FGF12: variants seen among roughly 807,000 people sequenced by gnomAD.
FGF12 encodes the protein fibroblast growth factor 12, also known as fibroblast growth factor 12B.
A neutral mutation model predicts 23.6 loss-of-function variants in FGF12; 14 were observed. That is an observed-to-expected ratio of 0.59 (90% CI 0.39 to 0.93). The LOEUF (loss-of-function observed/expected upper bound fraction) is 0.93, where lower values mean the gene tolerates loss of function less well. Among genes scored for constraint, FGF12 ranks in the 40% least tolerant of loss-of-function variants. The pLI is 0.00. For missense variants in FGF12, 175 were observed against 217.8 expected (o/e 0.80, Z 1.24); for synonymous variants, 62 against 77.3 (o/e 0.80, Z 1.04).
chr3:192,645,369 A>T (rs2108669854), intron 2 of FGF12, among the ~76,000 whole-genome samples: 1 of 152,326 alleles, frequency 6.6e-6, no homozygotes, highest in African/African-American at 2.4e-5. Context: ...TGTTTAGGAC[A>T]CTTAATCAAC....
chr3:192,150,281 T>C (rs1450810114), intron 5 of FGF12, among the ~76,000 whole-genome samples: 6 of 87,410 alleles, frequency 6.9e-5, no homozygotes, highest in Non-Finnish European at 1.2e-4. Flanking sequence ...TTCACTCTGA[T>C]GGTAGTTTCT....
intron 4 of FGF12, among the ~76,000 whole-genome samples, chr3:192,190,710 C>T (rs145819240): frequency 0.015 from 2,205 of 152,014 alleles, 49 homozygotes; most frequent in African/African-American, 0.051. Flanking sequence ...CTCCTGACCT[C>T]GTGATCCGCC....
chr3:192,513,222 T>C (rs1724548120), intron 2 of FGF12, among the ~76,000 whole-genome samples: 1 of 152,160 alleles, frequency 6.6e-6, no homozygotes, highest in African/African-American at 2.4e-5. Flanking sequence ...TCTACTGGCT[T>C]CTTGAAATAT....
chr3:192,218,405 T>A (rs1462545630), intron 4 of FGF12, among the ~76,000 whole-genome samples: 2 of 152,158 alleles, frequency 1.3e-5, no homozygotes, highest in Non-Finnish European at 2.9e-5. Context: ...AGGTGATGGA[T>A]CATGCGGGTG....
At position 192,378,278 on chromosome 3, in the gene FGF12, T is replaced by G. The variant is rs1192889030; in HGVS notation, c.14-17740A>C. Among the ~76,000 whole-genome samples, 2 of 149,514 alleles carry G rather than the reference T, an allele frequency of 1.3e-5. 1 individual carries two copies. The highest frequency in any genetic ancestry group is 5.1e-5 in the African/African-American group (2 of 39,050). ...GGCGTGTGCTATCATGCCTAGCTAA[T>G]TTTTGTATTTTTGTAGAGACAGGGT... On this transcript the variant is annotated intron_variant, in intron 2 of 5. Transcript: ENST00000445105.
intron 4 of FGF12, among the ~76,000 whole-genome samples, chr3:192,204,226 A>G: frequency 6.6e-6 from 1 of 152,166 alleles, no homozygotes; most frequent in Non-Finnish European, 1.5e-5. Flanking sequence ...AGATGAAAGA[A>G]AATTCCATTT....
chr3:192,654,916 A>G (rs1278993266), intron 2 of FGF12, among the ~76,000 whole-genome samples: 1 of 152,200 alleles, frequency 6.6e-6, no homozygotes, highest in Non-Finnish European at 1.5e-5. Flanking sequence ...ATAGTCAACT[A>G]GATTGATGGA....
In FGF12 at chr3:192,372,546, G is replaced by A. The variant is rs115220429; in HGVS notation, c.14-12008C>T. 6.8e-3 allele frequency among the ~76,000 whole-genome samples: 1,036 copies of A among 152,246 alleles called. 10 individuals are homozygous for A. The highest frequency in any genetic ancestry group is 0.024 in the African/African-American group (990 of 41,548). ...CTTGATCCTGGTAAATTCAGGCACC[G>A]TGGTGCAGGGGCATATGCAGGGCAG... On this transcript the variant is annotated intron_variant, in intron 2 of 5. Coordinates refer to ENST00000445105, the MANE Select transcript of FGF12 (RefSeq NM_004113.6).
chr3:192,467,601 C>T (rs1469560681), intron 2 of FGF12, among the ~76,000 whole-genome samples: 1 of 152,182 alleles, frequency 6.6e-6, no homozygotes, highest in East Asian at 1.9e-4. Flanking sequence ...CATGCTATGT[C>T]AAGAAACACA....
rs146073654 is a variant in FGF12, at chr3:192,571,977, C to T, written c.13+155204G>A. ...TTTTTTTAATTTTAGTTGTAATATA[C>T]GAGTGTTAGCAATCCTCATACATCT... is the stretch of plus-strand genomic sequence containing the variant. On this transcript the variant is annotated intron_variant, in intron 2 of 5. Transcript: ENST00000445105. Among the ~76,000 whole-genome samples, 37 of 149,600 alleles carry T rather than the reference C, an allele frequency of 2.5e-4. No homozygotes were observed. In the East Asian group the frequency reaches 6.5e-3, roughly 26 times the overall value.
At chr3:192,198,269 A>G (rs1486010291) in intron 4 of FGF12, among the ~76,000 whole-genome samples, 1 of 152,222 alleles carries the variant, frequency 6.6e-6, no homozygotes, top group Non-Finnish European at 1.5e-5. Flanking sequence ...CTTGAAAATT[A>G]GAAGCAAATG....
intron 2 of FGF12, among the ~76,000 whole-genome samples, chr3:192,615,585 T>G (rs1191810508): frequency 6.6e-6 from 1 of 152,078 alleles, no homozygotes; most frequent in Admixed American, 6.6e-5. Flanking sequence ...GTATGACATG[T>G]CCATAATTTT....
intron 2 of FGF12, among the ~76,000 whole-genome samples, chr3:192,448,156 T>C (rs57103257): frequency 0.048 from 7,243 of 152,298 alleles, 598 homozygotes; most frequent in African/African-American, 0.16. Context: ...GGAAGGACAC[T>C]TGGGTTATTT....
chr3:192,526,345 G>A (rs1270961396), intron 2 of FGF12, among the ~76,000 whole-genome samples: 1 of 152,132 alleles, frequency 6.6e-6, no homozygotes, highest in Non-Finnish European at 1.5e-5. Context: ...AAATAGTCAT[G>A]CAAACTAATA....
chr3:192,201,752 A>G (rs1717378519), intron 4 of FGF12, among the ~76,000 whole-genome samples: 1 of 152,242 alleles, frequency 6.6e-6, no homozygotes, highest in Non-Finnish European at 1.5e-5. Context: ...TATTGAAGTC[A>G]TTACTGCCTG....
intron 2 of FGF12, among the ~76,000 whole-genome samples, chr3:192,573,365 T>A (rs1170737365): frequency 6.6e-6 from 1 of 152,188 alleles, no homozygotes; most frequent in East Asian, 1.9e-4. Context: ...ACGTTGTTTT[T>A]GGATGAGATT....
intron 2 of FGF12, among the ~76,000 whole-genome samples, chr3:192,677,642 C>T (rs1717375108): frequency 6.6e-6 from 1 of 152,144 alleles, no homozygotes; most frequent in Non-Finnish European, 1.5e-5. Flanking sequence ...TGTTCTATGC[C>T]TGAGCAGAAT....
intron 4 of FGF12, among the ~76,000 whole-genome samples, chr3:192,250,705 T>C (rs1711949696): frequency 6.6e-6 from 1 of 151,936 alleles, no homozygotes; most frequent in South Asian, 2.1e-4. Flanking sequence ...TTCTGGAGAA[T>C]CAAAACATAG....
At chr3:192,391,403 A>C (rs1045960727) in intron 2 of FGF12, among the ~76,000 whole-genome samples, 2 of 152,242 alleles carry the variant, frequency 1.3e-5, no homozygotes, top group Non-Finnish European at 2.9e-5. Flanking sequence ...AACGTTAAAA[A>C]ATAATAAAAT....
Sources: allele counts gnomAD v4.1 joint callset (sites outside exome capture counted in the v4.1 genomes callset), GRCh38; gene constraint gnomAD v4.1.1; transcripts MANE v1.5; gene names NCBI Gene and HGNC (gene_info 2026-07-23, HGNC 2026-07-21).